HTR1E: variants seen among roughly 807,000 people sequenced by gnomAD.
HTR1E encodes the protein 5-HT-1E.
In HTR1E, 3 loss-of-function variants were observed where a neutral mutation model predicts 3.4. The ratio of observed to expected loss-of-function variants is 0.89; its 90% CI spans 0.41 to 2.31. HTR1E has a LOEUF of 2.31. Ranked by LOEUF, HTR1E falls within the 30% of genes most tolerant of loss-of-function variation. HTR1E has a pLI of 0.05. For synonymous variants in HTR1E, 170 were observed against 182.8 expected (o/e 0.93, Z 0.56); for missense variants, 392 against 467.0 (o/e 0.84, Z 1.48).
At chr6:86,989,997 G>A (rs1767850076) in intron 1 of HTR1E, among the ~76,000 whole-genome samples, 1 of 152,178 alleles carries the variant, frequency 6.6e-6, no homozygotes, top group Non-Finnish European at 1.5e-5. Context: ...TGCACTAGGT[G>A]GAAGCTTAGA....
chr6:86,958,393 C>A (rs1169719846), intron 1 of HTR1E, among the ~76,000 whole-genome samples: 1 of 152,128 alleles, frequency 6.6e-6, no homozygotes, highest in African/African-American at 2.4e-5. Flanking sequence ...CTCACAATGA[C>A]CCCAAACATT....
intron 1 of HTR1E, among the ~76,000 whole-genome samples, chr6:86,941,413 C>G (rs1304714972): frequency 6.6e-6 from 1 of 152,200 alleles, no homozygotes; most frequent in Admixed American, 6.5e-5. Flanking sequence ...ATCTGGTTTA[C>G]TGCAGTCCTT....
At chr6:86,959,089 G>A (rs1387524716) in intron 1 of HTR1E, among the ~76,000 whole-genome samples, 1 of 152,024 alleles carries the variant, frequency 6.6e-6, no homozygotes, top group African/African-American at 2.4e-5. Context: ...CCAGGGCAGA[G>A]CTGATATTGC....
intron 1 of HTR1E, among the ~76,000 whole-genome samples, chr6:87,005,030 C>G (rs145044603): frequency 6.6e-6 from 1 of 151,824 alleles, no homozygotes; most frequent in Admixed American, 6.6e-5. Context: ...TAAACTTAAC[C>G]AAAGAAATAA....
intron 1 of HTR1E, among the ~76,000 whole-genome samples, chr6:86,963,101 T>TG (rs1298829101): frequency 6.6e-6 from 1 of 152,146 alleles, no homozygotes. Context: ...AAGACCTTCC[T>TG]GTGGGACAAG....
intron 1 of HTR1E, among the ~76,000 whole-genome samples, chr6:86,994,521 A>G (rs1223450510): frequency 2.0e-5 from 3 of 152,132 alleles, no homozygotes; most frequent in Non-Finnish European, 2.9e-5. Flanking sequence ...AGAATTCTAC[A>G]TGCAAAGAAA....
intron 1 of HTR1E, among the ~76,000 whole-genome samples, chr6:86,948,810 T>A (rs1250770585): frequency 6.6e-6 from 1 of 152,022 alleles, no homozygotes; most frequent in African/African-American, 2.4e-5. Context: ...AGTTGAGAGG[T>A]GTTCAGGTGC....
In HTR1E at chr6:87,015,500, C is replaced by T. The variant is rs775340990; in HGVS notation, c.166C>T (p.Pro56Ser). The T allele has an allele frequency of 2.5e-6, 4 of 1,613,924 alleles. No individual in the cohort carries two copies. Among genetic ancestry groups the T allele is most frequent in the South Asian group, 2.2e-5 (2 of 91,044 alleles). The part of the protein sequence containing the change: ...AIGTTKKLHQ[P>S]ANYLICSLAV... Reference sequence around the variant, plus strand: ...TGGCACCACCAAGAAGCTCCACCAGCCTGCCAACTACCTAATCTGTTCTCT... The same window carrying T: ...TGGCACCACCAAGAAGCTCCACCAGTCTGCCAACTACCTAATCTGTTCTCT... The change falls in exon 2 of 2, where the codon CCT (proline) becomes TCT (serine). Residue 56 changes from proline to serine, a missense_variant. Transcript: ENST00000305344.
intron 1 of HTR1E, among the ~76,000 whole-genome samples, chr6:86,942,283 G>A (rs1224324306): frequency 1.8e-4 from 28 of 152,180 alleles, no homozygotes; most frequent in Non-Finnish European, 2.9e-5. Flanking sequence ...ATTTCTGACA[G>A]TGTAGTTTGT....
At chr6:87,002,942 A>G (rs2127830779) in intron 1 of HTR1E, among the ~76,000 whole-genome samples, 1 of 152,326 alleles carries the variant, frequency 6.6e-6, no homozygotes, top group African/African-American at 2.4e-5. Context: ...ACAAAGAAAC[A>G]TCAGATTTAA....
chr6:87,001,367 A>C (rs1179411267), intron 1 of HTR1E, among the ~76,000 whole-genome samples: 6 of 152,234 alleles, frequency 3.9e-5, no homozygotes, highest in Non-Finnish European at 5.9e-5. Context: ...GACATAGAGT[A>C]GGTGAACGGA....
intron 1 of HTR1E, among the ~76,000 whole-genome samples, chr6:86,958,643 T>C (rs763077189): frequency 6.6e-6 from 1 of 152,182 alleles, no homozygotes; most frequent in Non-Finnish European, 1.5e-5. Flanking sequence ...TAAGAATGAA[T>C]GAGACAAATG....
chr6:86,972,594 A>G (rs6900207), intron 1 of HTR1E, among the ~76,000 whole-genome samples: 23,532 of 152,212 alleles, frequency 0.15, 2,109 homozygotes, highest in East Asian at 0.29. Context: ...TATTTATTAC[A>G]GGTGGAAAAA....
chr6:86,989,854 T>G (rs1368042756), intron 1 of HTR1E, among the ~76,000 whole-genome samples: 2 of 152,202 alleles, frequency 1.3e-5, no homozygotes, highest in African/African-American at 2.4e-5. Flanking sequence ...CTCCTCCATT[T>G]TTATACAACA....
At chr6:86,992,961 G>A (rs575565313) in intron 1 of HTR1E, among the ~76,000 whole-genome samples, 358 of 152,198 alleles carry the variant, frequency 2.4e-3, no homozygotes, top group Non-Finnish European at 3.9e-3. Flanking sequence ...TATCCCACTC[G>A]TCCATTCAGG....
chr6:86,973,410 C>G (rs1441243312), intron 1 of HTR1E, among the ~76,000 whole-genome samples: 1 of 151,892 alleles, frequency 6.6e-6, no homozygotes, highest in Non-Finnish European at 1.5e-5. Context: ...GAGAGGGGAT[C>G]TCTCCCCACT....
intron 1 of HTR1E, among the ~76,000 whole-genome samples, chr6:86,964,273 C>A (rs1023464893): frequency 2.0e-5 from 3 of 151,364 alleles, no homozygotes; most frequent in African/African-American, 7.3e-5. Context: ...ACACATAAGA[C>A]AAATCAGGAA....
intron 1 of HTR1E, among the ~76,000 whole-genome samples, chr6:86,997,527 A>G (rs893255292): frequency 6.6e-6 from 1 of 151,890 alleles, no homozygotes; most frequent in African/African-American, 2.4e-5. Context: ...AAAATAAAAG[A>G]TATTTTTATA....
At chr6:86,977,460 T>A (rs1470336670) in intron 1 of HTR1E, among the ~76,000 whole-genome samples, 3 of 152,218 alleles carry the variant, frequency 2.0e-5, no homozygotes, top group Non-Finnish European at 4.4e-5. Context: ...TGATTCCATG[T>A]CTTTGTTATT....
Sources: allele counts gnomAD v4.1 joint callset (sites outside exome capture counted in the v4.1 genomes callset), GRCh38; gene constraint gnomAD v4.1.1; transcripts MANE v1.5; gene names NCBI Gene and HGNC (gene_info 2026-07-23, HGNC 2026-07-21).